GNAI1: variants seen among roughly 807,000 people sequenced by gnomAD.
GNAI1 encodes the protein guanine nucleotide-binding protein G(i) subunit alpha-1.
GNAI1 carries 11 observed loss-of-function variants against 38.9 expected under a neutral mutation model. That is an observed-to-expected ratio of 0.28 (90% CI 0.18 to 0.47). The LOEUF is 0.47. GNAI1 is among the 20% of genes least tolerant of loss of function. The pLI is 0.99. For synonymous variants in GNAI1, 166 were observed against 145.1 expected (o/e 1.14, Z -1.04); for missense variants, 317 against 436.9 (o/e 0.73, Z 2.45).
chr7:80,193,748 G>T (rs1788520346), intron 3 of GNAI1, among the ~76,000 whole-genome samples: 1 of 152,040 alleles, frequency 6.6e-6, no homozygotes, highest in South Asian at 2.1e-4. Flanking sequence ...TAATTTATAT[G>T]TTCACTCTGA....
In GNAI1 at chr7:80,223,123, T is replaced by C. The variant is rs561033290; in HGVS notation, c.*5630T>C. On this transcript the variant is annotated 3_prime_UTR_variant, in exon 8 of 8. Transcript: ENST00000649796. ...ATACCAGTTTCGCACCAATGTAAAGTTGAAAAATTGTTAAGTTGGACCATC... is the reference window on the plus strand; with the variant it reads ...ATACCAGTTTCGCACCAATGTAAAGCTGAAAAATTGTTAAGTTGGACCATC... Among the ~76,000 whole-genome samples, 9 of 152,302 alleles carry C rather than the reference T, an allele frequency of 5.9e-5. No homozygotes were observed. The highest frequency in any genetic ancestry group is 4.6e-4 in the Admixed American group (7 of 15,300).
intron 3 of GNAI1, among the ~76,000 whole-genome samples, chr7:80,198,949 C>G (rs1381520682): frequency 6.6e-6 from 1 of 152,152 alleles, no homozygotes; most frequent in Admixed American, 6.5e-5. Flanking sequence ...CTAATGTCCC[C>G]TTTATGAGCT....
At chr7:80,173,989 C>A (rs1788140228) in intron 1 of GNAI1, among the ~76,000 whole-genome samples, 1 of 151,856 alleles carries the variant, frequency 6.6e-6, no homozygotes, top group South Asian at 2.1e-4. Flanking sequence ...GATAAGGGGC[C>A]CAACTTGGGA....
At chr7:80,170,208 A>T (rs549201958) in intron 1 of GNAI1, among the ~76,000 whole-genome samples, 20 of 152,276 alleles carry the variant, frequency 1.3e-4, no homozygotes, top group African/African-American at 4.6e-4. Context: ...CTTTTGAATA[A>T]ATGCCAGAGT....
chr7:80,167,424 T>C (rs1199769839), intron 1 of GNAI1, among the ~76,000 whole-genome samples: 1 of 152,216 alleles, frequency 6.6e-6, no homozygotes. Context: ...TTTCGTATTT[T>C]ACTTCACCTG....
intron 1 of GNAI1, among the ~76,000 whole-genome samples, chr7:80,175,553 CTTTT>C (rs564032256): frequency 7.6e-6 from 1 of 132,166 alleles, no homozygotes; most frequent in Non-Finnish European, 1.6e-5. Context: ...CAGATACTGC[CTTTT>C]TTTTTTTTTT....
intron 1 of GNAI1, among the ~76,000 whole-genome samples, chr7:80,155,140 G>T (rs2116111185): frequency 6.6e-6 from 1 of 152,196 alleles, no homozygotes; most frequent in Middle Eastern, 3.4e-3. Flanking sequence ...CAATATGTGG[G>T]ATTATGCAAT....
intron 1 of GNAI1, among the ~76,000 whole-genome samples, chr7:80,142,505 T>G (rs1787544884): frequency 6.6e-6 from 1 of 152,244 alleles, no homozygotes. Flanking sequence ...TCTTGTACTT[T>G]TATTTTTTAT....
intron 5 of GNAI1, among the ~76,000 whole-genome samples, chr7:80,205,583 G>C (rs1335484581): frequency 7.9e-6 from 1 of 127,024 alleles, no homozygotes; most frequent in African/African-American, 3.4e-5. Flanking sequence ...TTTGTTACCA[G>C]TTTGTGATTT....
In GNAI1 at chr7:80,192,690, G is replaced by T. The variant is rs115053089; in HGVS notation, c.303+3459G>T. On this transcript the variant is annotated intron_variant, in intron 3 of 7. Transcript: ENST00000649796. ...CTGTTGCTGCTATTGTTATCTTTTG[G>T]TTTTTTTTCTGTTTGTTTTTTTTGA... 3.5e-3 allele frequency among the ~76,000 whole-genome samples: 527 copies of T among 151,610 alleles called. 2 individuals carry two copies. Among genetic ancestry groups the T allele is most frequent in the African/African-American group, 0.011 (463 of 41,350 alleles).
intron 1 of GNAI1, among the ~76,000 whole-genome samples, chr7:80,181,565 A>G (rs1268369639): frequency 1.3e-5 from 2 of 152,204 alleles, no homozygotes; most frequent in African/African-American, 2.4e-5. Flanking sequence ...CTGTCAGTTC[A>G]GTTAGCCGAA....
intron 1 of GNAI1, chr7:80,136,203 G>A (rs542242184): frequency 1.7e-5 from 4 of 228,656 alleles, no homozygotes; most frequent in Non-Finnish European, 2.9e-5. Context: ...GAAGCATTAG[G>A]AAAATCTTTA....
chr7:80,143,954 A>ATG (rs201838916), intron 1 of GNAI1, among the ~76,000 whole-genome samples: 23 of 150,276 alleles, frequency 1.5e-4, no homozygotes, highest in South Asian at 4.3e-4. Flanking sequence ...GTGTGCATAT[A>ATG]TGTGTGTGTG....
intron 1 of GNAI1, 60 bp downstream of exon 1, chr7:80,135,338 G>C: frequency 9.7e-7 from 1 of 1,030,572 alleles, no homozygotes; most frequent in South Asian, 2.4e-5. Flanking sequence ...GCGCTGCGCG[G>C]CCCTCGGCGT....
At chr7:80,160,305 T>C (rs1348381539) in intron 1 of GNAI1, among the ~76,000 whole-genome samples, 4 of 152,080 alleles carry the variant, frequency 2.6e-5, no homozygotes, top group African/African-American at 9.7e-5. Context: ...CTGGACCTCA[T>C]TTTGGTTACT....
intron 5 of GNAI1, among the ~76,000 whole-genome samples, chr7:80,206,321 G>A (rs573089574): frequency 1.5e-4 from 23 of 152,042 alleles, no homozygotes; most frequent in Non-Finnish European, 2.7e-4. Flanking sequence ...ATGCTATGGT[G>A]TTGCATATGC....
intron 1 of GNAI1, among the ~76,000 whole-genome samples, chr7:80,138,281 T>C (rs1787461644): frequency 6.6e-6 from 1 of 152,196 alleles, no homozygotes; most frequent in Admixed American, 6.5e-5. Context: ...ACACTATTAG[T>C]AAAGATTTTG....
chr7:80,156,249 A>T (rs979259218), intron 1 of GNAI1, among the ~76,000 whole-genome samples: 4 of 152,126 alleles, frequency 2.6e-5, no homozygotes, highest in Admixed American at 2.6e-4. Flanking sequence ...TTGTATGCTT[A>T]TCATGTACCA....
intron 7 of GNAI1, 79 bp from the exon 8 acceptor site, chr7:80,217,224 A>G: frequency 1.5e-5 from 14 of 903,466 alleles, no homozygotes; most frequent in Non-Finnish European, 2.3e-5. Context: ...TCAGTTTCAT[A>G]TGTATGAAAC....
Sources: allele counts gnomAD v4.1 joint callset (sites outside exome capture counted in the v4.1 genomes callset), GRCh38; gene constraint gnomAD v4.1.1; transcripts MANE v1.5; gene names NCBI Gene and HGNC (gene_info 2026-07-23, HGNC 2026-07-21).